PCDHGB1: variants seen among roughly 807,000 people sequenced by gnomAD.
PCDHGB1 encodes protocadherin gamma subfamily B, 1, also known as protocadherin gamma-B1.
Under a neutral mutation model 56.6 loss-of-function variants are expected in PCDHGB1, and 34 were observed. The ratio of observed to expected loss-of-function variants is 0.60; its 90% CI spans 0.46 to 0.80. The LOEUF (loss-of-function observed/expected upper bound fraction) is 0.80. PCDHGB1 is among the 30% of genes least tolerant of loss of function. PCDHGB1 has a pLI of 0.00. For missense variants in PCDHGB1, 1,278 were observed against 1,204.6 expected, an observed-to-expected ratio of 1.06 and a Z score of -0.90; for synonymous variants, 561 against 505.9, an observed-to-expected ratio of 1.11 and a Z score of -1.46.
In PCDHGB1 at chr5:141,404,188, A is replaced by C. The variant is rs1001365354; in HGVS notation, c.2409+51519A>C. On this transcript the variant is annotated intron_variant, in intron 1 of 3. Transcript: ENST00000523390. Reference sequence around the variant, plus strand: ...TGTTGACGGCCCAAATTCTTGACCGAGAAAAAGCCTCAGAATATAATATCA... The same window carrying C: ...TGTTGACGGCCCAAATTCTTGACCGCGAAAAAGCCTCAGAATATAATATCA... 3.7e-6 allele frequency: 6 copies of C among 1,613,398 alleles called. No individual in the cohort carries two copies. The African/African-American group carries it at 5.3e-5, about 14-fold the overall frequency.
intron 1 of PCDHGB1, chr5:141,370,955 T>C (rs780139792): frequency 7.4e-6 from 12 of 1,613,996 alleles, no homozygotes; most frequent in South Asian, 4.4e-5. Flanking sequence ...AGAACCTGGA[T>C]GGCAGTAGGT....
At position 141,394,009 on chromosome 5, in the gene PCDHGB1, G is replaced by C. The variant is rs1554094356; in HGVS notation, c.2409+41340G>C. The C allele has an allele frequency of 1.2e-6, 2 of 1,613,394 alleles. No homozygotes were observed. Among genetic ancestry groups the C allele is most frequent in the Admixed American group, 3.3e-5 (2 of 59,950 alleles). On this transcript the variant is annotated intron_variant, in intron 1 of 3. Coordinates refer to ENST00000523390, the MANE Select transcript of PCDHGB1 (RefSeq NM_018922.3). ...CCTTTTAAATTAGAAAAGTCAATAG[G>C]TAATTATTATAGATTAGTGACAAGG... is the stretch of plus-strand genomic sequence containing the variant.
At chr5:141,418,778 T>A (rs1256260275) in intron 1 of PCDHGB1, 1 of 1,613,626 alleles carries the variant, frequency 6.2e-7, no homozygotes, top group East Asian at 2.2e-5. Flanking sequence ...TCAGCAGCCT[T>A]TGGATTTTGA....
chr5:141,424,100 G>A (rs1362239131), intron 1 of PCDHGB1: 1 of 832,456 alleles, frequency 1.2e-6, no homozygotes, highest in East Asian at 1.2e-4. Flanking sequence ...TGCTATTACT[G>A]CTAATGTTCA....
At position 141,409,159 on chromosome 5, in the gene PCDHGB1, GGAAGC is replaced by G. The variant is rs1361879939; in HGVS notation, c.2409+56495_2409+56499del. On this transcript the variant is annotated intron_variant, in intron 1 of 3. Transcript: ENST00000523390. ...ATGTAGAAAGGTACACCATGGAAGTGGAAGCGAAGGACGGAGGTGGTCTCTCTACC... is the reference window on the plus strand; with the variant it reads ...ATGTAGAAAGGTACACCATGGAAGTGGAAGGACGGAGGTGGTCTCTCTACC... The G allele has an allele frequency of 3.1e-6, 5 of 1,614,014 alleles. 1 individual carries two copies. In the South Asian group the frequency reaches 5.5e-5, roughly 18 times the overall value.
intron 1 of PCDHGB1, chr5:141,408,498 G>A (rs934521153): frequency 1.7e-5 from 27 of 1,613,634 alleles, no homozygotes; most frequent in Non-Finnish European, 2.3e-5. Flanking sequence ...TGCAAAGAGA[G>A]AAGAAGATGT....
chr5:141,404,411 G>A, intron 1 of PCDHGB1: 1 of 1,613,854 alleles, frequency 6.2e-7, no homozygotes, highest in Non-Finnish European at 8.5e-7. Flanking sequence ...GAATTCTAGA[G>A]TTATTTACTC....
intron 1 of PCDHGB1, among the ~76,000 whole-genome samples, chr5:141,369,057 G>A (rs907839197): frequency 1.4e-4 from 22 of 152,206 alleles, no homozygotes; most frequent in African/African-American, 5.1e-4. Flanking sequence ...ACATTATGTA[G>A]GCTAAAGATA....
intron 1 of PCDHGB1, chr5:141,384,446 C>A (rs781605513): frequency 6.2e-7 from 1 of 1,613,916 alleles, no homozygotes; most frequent in African/African-American, 1.3e-5. Flanking sequence ...GTCCTGTACG[C>A]GCTGCAATCC....
intron 1 of PCDHGB1, among the ~76,000 whole-genome samples, chr5:141,380,761 A>G (rs952416806): frequency 6.6e-6 from 1 of 152,224 alleles, no homozygotes; most frequent in African/African-American, 2.4e-5. Flanking sequence ...GACACTATAA[A>G]TTAATTGAGA....
At position 141,423,431 on chromosome 5, in the gene PCDHGB1, G is replaced by A. The variant is rs1220133197; in HGVS notation, c.2409+70762G>A. On this transcript the variant is annotated intron_variant, in intron 1 of 3. Coordinates refer to ENST00000523390, the MANE Select transcript of PCDHGB1 (RefSeq NM_018922.3). ...CAGGCTTCTGAAGGCGGGTTGGCAGGTATGCCCACGTCACATTTTGTAGGC... is the reference window on the plus strand; with the variant it reads ...CAGGCTTCTGAAGGCGGGTTGGCAGATATGCCCACGTCACATTTTGTAGGC... 3 of 1,613,892 alleles carry A rather than the reference G, an allele frequency of 1.9e-6. No homozygotes were observed. Among genetic ancestry groups the A allele is most frequent in the Admixed American group, 3.3e-5 (2 of 60,012 alleles).
intron 1 of PCDHGB1, chr5:141,355,087 C>T (rs1052813011): frequency 1.4e-6 from 2 of 1,455,264 alleles, no homozygotes; most frequent in Non-Finnish European, 1.8e-6. Context: ...CAAGCGGAAG[C>T]CCTGAGAGCT....
At chr5:141,394,992 G>T (rs1392246245) in intron 1 of PCDHGB1, 50 of 1,614,044 alleles carry the variant, frequency 3.1e-5, no homozygotes, top group Non-Finnish European at 4.2e-5. Context: ...CCTGCTCCAG[G>T]ATTCCGGTGG....
intron 1 of PCDHGB1, among the ~76,000 whole-genome samples, chr5:141,461,983 C>T (rs1390320490): frequency 6.6e-6 from 1 of 152,192 alleles, no homozygotes. Flanking sequence ...GCCACCACGC[C>T]AGGCTAATTT....
chr5:141,420,540 A>G, intron 1 of PCDHGB1: 1 of 306,814 alleles, frequency 3.3e-6, no homozygotes, highest in Non-Finnish European at 5.7e-6. Context: ...AAAAATATAA[A>G]ATACAGGTAT....
At chr5:141,399,798 G>A in intron 1 of PCDHGB1, 1 of 1,613,236 alleles carries the variant, frequency 6.2e-7, no homozygotes. Context: ...ACGCACCGCG[G>A]GTGCTGTACC....
chr5:141,422,432 A>G, intron 1 of PCDHGB1: 1 of 1,609,448 alleles, frequency 6.2e-7, no homozygotes, highest in Non-Finnish European at 8.5e-7. Context: ...TATGGAAATT[A>G]TTACAAATTG....
chr5:141,415,406 T>G, intron 1 of PCDHGB1: 1 of 1,614,208 alleles, frequency 6.2e-7, no homozygotes. Flanking sequence ...GGCTCGCACT[T>G]TGTGGGCGTG....
chr5:141,403,612 G>C (rs1314297922), intron 1 of PCDHGB1: 9 of 1,613,736 alleles, frequency 5.6e-6, no homozygotes, highest in African/African-American at 1.3e-5. Flanking sequence ...GCGGCGAGCC[G>C]CGTCGCTCCA....
Sources: gnomAD v4.1 joint callset for allele counts (sites outside exome capture counted in the v4.1 genomes callset) on GRCh38, gnomAD v4.1.1 for gene constraint, MANE v1.5 for transcripts, NCBI Gene and HGNC (gene_info 2026-07-23, HGNC 2026-07-21) for gene names.